The following ZNF385D variants were observed in gnomAD, a reference collection of about 807,000 sequenced individuals.
ZNF385D encodes the protein zinc finger protein 659.
A neutral mutation model predicts 35.8 loss-of-function variants in ZNF385D; 15 were observed. The ratio of observed to expected loss-of-function variants is 0.42; its 90% CI spans 0.28 to 0.64. ZNF385D has a LOEUF of 0.64. Ranked by LOEUF, ZNF385D falls within the 30% of genes least tolerant of loss-of-function variation. ZNF385D has a pLI of 0.23. For synonymous variants in ZNF385D, 212 were observed against 186.8 expected, an observed-to-expected ratio of 1.13 and a Z score of -1.10; for missense variants, 474 against 494.6, an observed-to-expected ratio of 0.96 and a Z score of 0.39.
chr3:21,608,023 G>GGTTTTTTTT lies in ZNF385D; in HGVS notation c.166-43340_166-43339insAAAAAAAAC, dbSNP rs2064542770. Among the ~76,000 whole-genome samples the GGTTTTTTTT allele has an allele frequency of 3.9e-4, 47 of 120,166 alleles. 2 individuals are homozygous for GGTTTTTTTT. The highest frequency in any genetic ancestry group is 2.6e-3 in the South Asian group (9 of 3,406). The allele number at this position is 120,166 out of a possible 152,430, so 78.8% of individuals were successfully genotyped here. On this transcript the variant is annotated intron_variant, in intron 2 of 7. Transcript: ENST00000281523. ...TAATTCTTTTTCTTCTTTTTTTTTT[G>GGTTTTTTTT]TTTTTTTTTTTTGAGTCTTGCTGTC...
At chr3:21,806,208 TA>T (rs2072638227) in intron 3 of ZNF385D, among the ~76,000 whole-genome samples, 1 of 151,210 alleles carries the variant, frequency 6.6e-6, no homozygotes, top group Admixed American at 6.6e-5. Flanking sequence ...TTAAATTTCT[TA>T]TTTTTTTTTT....
chr3:21,649,186 A>G (rs780664468), intron 2 of ZNF385D, among the ~76,000 whole-genome samples: 4 of 152,178 alleles, frequency 2.6e-5, no homozygotes, highest in Non-Finnish European at 5.9e-5. Flanking sequence ...TATAACAATA[A>G]TATGAATAAT....
chr3:22,366,839 C>G (rs142522969), intron 2 of ZNF385D, among the ~76,000 whole-genome samples: 1 of 152,006 alleles, frequency 6.6e-6, no homozygotes, highest in Non-Finnish European at 1.5e-5. Flanking sequence ...AAAAGAGAAA[C>G]AAAGAGAGAT....
intron 3 of ZNF385D, among the ~76,000 whole-genome samples, chr3:22,092,694 T>G (rs1701395436): frequency 6.6e-6 from 1 of 152,244 alleles, no homozygotes; most frequent in Non-Finnish European, 1.5e-5. Context: ...TGTTTATTCT[T>G]TGCTAGCAAA....
intron 2 of ZNF385D, among the ~76,000 whole-genome samples, chr3:22,295,195 A>T (rs1702505537): frequency 6.6e-6 from 1 of 152,210 alleles, no homozygotes; most frequent in South Asian, 2.1e-4. Flanking sequence ...AAGTGTAAAG[A>T]TTTAACAGTC....
At chr3:22,360,933 T>A (rs531392633) in intron 2 of ZNF385D, among the ~76,000 whole-genome samples, 2 of 152,164 alleles carry the variant, frequency 1.3e-5, no homozygotes, top group African/African-American at 2.4e-5. Context: ...ATTATTTGAT[T>A]ATGCGACCTC....
chr3:22,084,738 T>G (rs1230241432), intron 3 of ZNF385D, among the ~76,000 whole-genome samples: 1 of 152,224 alleles, frequency 6.6e-6, no homozygotes, highest in African/African-American at 2.4e-5. Flanking sequence ...AATAGACATC[T>G]ACAGAACTCT....
intron 3 of ZNF385D, among the ~76,000 whole-genome samples, chr3:21,922,428 T>C (rs1228337469): frequency 6.6e-6 from 1 of 152,100 alleles, no homozygotes; most frequent in African/African-American, 2.4e-5. Context: ...ATGGTACTGG[T>C]ACAAAAGCAG....
intron 3 of ZNF385D, among the ~76,000 whole-genome samples, chr3:21,906,566 C>A (rs1699694121): frequency 6.6e-6 from 1 of 152,108 alleles, no homozygotes; most frequent in South Asian, 2.1e-4. Flanking sequence ...CATATGTGAC[C>A]TTGCCTTCAC....
chr3:22,122,750 G>C (rs1164637581), intron 3 of ZNF385D, among the ~76,000 whole-genome samples: 2 of 152,076 alleles, frequency 1.3e-5, no homozygotes, highest in African/African-American at 2.4e-5. Context: ...GGTGACATTC[G>C]AGTCACATGC....
chr3:21,836,725 A>G (rs1417370766), intron 3 of ZNF385D, among the ~76,000 whole-genome samples: 4 of 152,168 alleles, frequency 2.6e-5, no homozygotes, highest in African/African-American at 4.8e-5. Flanking sequence ...TTTGAATTTT[A>G]TATACATTTT....
intron 3 of ZNF385D, among the ~76,000 whole-genome samples, chr3:21,870,565 T>C (rs1697635043): frequency 6.6e-6 from 1 of 152,212 alleles, no homozygotes; most frequent in East Asian, 1.9e-4. Context: ...CTGAGATTCA[T>C]ATTTATGATC....
intron 2 of ZNF385D, among the ~76,000 whole-genome samples, chr3:22,191,132 T>C (rs562374095): frequency 3.4e-4 from 51 of 152,110 alleles, no homozygotes; most frequent in Non-Finnish European, 6.5e-4. Flanking sequence ...TTTCTATTGT[T>C]AATTGGGTTA....
chr3:22,205,315 G>T (rs926177884), intron 2 of ZNF385D, among the ~76,000 whole-genome samples: 4 of 151,618 alleles, frequency 2.6e-5, no homozygotes, highest in East Asian at 1.9e-4. Flanking sequence ...TCCCAGATAA[G>T]CAAAAGCTGA....
At chr3:21,796,046 TCA>T (rs1369204248) in intron 3 of ZNF385D, among the ~76,000 whole-genome samples, 4 of 152,210 alleles carry the variant, frequency 2.6e-5, no homozygotes. Context: ...CAGAAAACTC[TCA>T]GTTTCTTCTC....
intron 1 of ZNF385D, among the ~76,000 whole-genome samples, chr3:21,738,112 G>A (rs1349827287): frequency 6.6e-6 from 1 of 152,236 alleles, no homozygotes; most frequent in African/African-American, 2.4e-5. Context: ...CTGCCAGGGG[G>A]CTGCTTGGCT....
chr3:21,657,066 ATG>A (rs926094083), intron 2 of ZNF385D, among the ~76,000 whole-genome samples: 2 of 151,624 alleles, frequency 1.3e-5, no homozygotes, highest in South Asian at 2.1e-4. Flanking sequence ...AAATATATAG[ATG>A]TGTGTGTGTG....
At chr3:21,758,992 A>ACAAAAC (rs1476384624) in intron 3 of ZNF385D, among the ~76,000 whole-genome samples, 32 of 147,950 alleles carry the variant, frequency 2.2e-4, no homozygotes, top group African/African-American at 7.8e-4. Context: ...AAAAAAAAAA[A>ACAAAAC]AAAAAAAAAA....
intron 3 of ZNF385D, among the ~76,000 whole-genome samples, chr3:22,016,469 G>A (rs1559851208): frequency 1.3e-5 from 2 of 151,996 alleles, no homozygotes; most frequent in Non-Finnish European, 2.9e-5. Flanking sequence ...TCCTTTCCTT[G>A]CTGTCACTTC....
Sources: allele counts gnomAD v4.1 joint callset (sites outside exome capture counted in the v4.1 genomes callset), GRCh38; gene constraint gnomAD v4.1.1; transcripts MANE v1.5; gene names NCBI Gene and HGNC (gene_info 2026-07-23, HGNC 2026-07-21).